The following TFR2 variants were observed in gnomAD, a reference collection of about 807,000 sequenced individuals.
TFR2 encodes the protein transferrin receptor 2.
Under a neutral mutation model 91.9 loss-of-function variants are expected in TFR2, and 64 were observed. The observed-to-expected ratio is 0.70, with a 90% confidence interval of 0.57 to 0.86. The LOEUF is 0.86. Ranked by LOEUF, TFR2 falls within the 40% of genes least tolerant of loss-of-function variation. TFR2 has a pLI of 0.00. For synonymous variants in TFR2, 454 were observed against 459.6 expected, an observed-to-expected ratio of 0.99 and a Z score of 0.15; for missense variants, 950 against 1,080.5, an observed-to-expected ratio of 0.88 and a Z score of 1.69.
intron 3 of TFR2, among the ~76,000 whole-genome samples, chr7:100,636,561 G>C (rs1803575015): frequency 1.3e-5 from 2 of 151,854 alleles, no homozygotes; most frequent in Non-Finnish European, 2.9e-5. Context: ...TAAGTGCCAG[G>C]CATTGTGGTA....
At chr7:100,625,649 C>T (rs1379701506) in intron 17 of TFR2, among the ~76,000 whole-genome samples, 4 of 151,972 alleles carry the variant, frequency 2.6e-5, no homozygotes, top group South Asian at 2.1e-4. Flanking sequence ...TTTGGGAGGC[C>T]GAGGCAGGAG....
At chr7:100,631,724 T>G (rs1240085409) in intron 8 of TFR2, 82 bp downstream of exon 8, 5 of 1,541,288 alleles carry the variant, frequency 3.2e-6, no homozygotes, top group Non-Finnish European at 4.4e-6. Flanking sequence ...CTTTTTCTAG[T>G]TCACCCACAA....
intron 11 of TFR2, 38 bp downstream of exon 11, chr7:100,628,186 C>T (rs1803323038): frequency 6.2e-7 from 1 of 1,612,840 alleles, no homozygotes; most frequent in Non-Finnish European, 8.5e-7. Flanking sequence ...CCCCACCTCT[C>T]CCCAATGCCT....
intron 9 of TFR2, among the ~76,000 whole-genome samples, chr7:100,629,819 C>T (rs1000669050): frequency 4.6e-5 from 7 of 152,210 alleles, no homozygotes; most frequent in African/African-American, 1.7e-4. Context: ...GATCTTGGCT[C>T]ACGGCAAGCT....
Position 100,627,017 on chromosome 7 carries a change from G to A in TFR2, c.1996-114C>T. The A allele has an allele frequency of 2.4e-6, 3 of 1,268,668 alleles. No individual in the cohort carries two copies. The South Asian group carries it at 4.4e-5, about 19-fold the overall frequency. The allele number at this position is 1,268,668 out of a possible 1,614,324, so 78.6% of individuals were successfully genotyped here. ...AAGGGGGCTGGGACCCCTGGCCGCA[G>A]GAGGGAGGAGGTAGACGAGGACAGA... On this transcript the variant is annotated intron_variant, in intron 16 of 17. Transcript: ENST00000223051.
Position 100,620,988 on chromosome 7 carries a change from G to A in TFR2, c.2275C>T (p.Pro759Ser), listed in dbSNP as rs769952161. Residue 759 changes from proline (P) to serine (S), a missense_variant, in exon 18 of 18, where the codon CCC becomes TCC. Transcript: ENST00000223051. ...AAGCCAGTGGAGGAGGTGGCCCCGG[G>A]GGTCCCGGAGCTGTTGGAGCGCAGC... ...RLLRSNSSGTPGATSSTGFQE... is the reference protein window; with the variant it reads ...RLLRSNSSGTSGATSSTGFQE... 134 of 1,610,536 alleles carry A rather than the reference G, an allele frequency of 8.3e-5. No homozygotes were observed. Among genetic ancestry groups the A allele is most frequent in the Middle Eastern group, 1.7e-4 (1 of 5,750 alleles).
Position 100,641,198 on chromosome 7 carries a change from C to G in TFR2, c.64G>C (p.Val22Leu). ...CGGGGGCCTTCCACACGCTGGTAGA[C>G]GGTCTGAGAGGATCTTGGGGACAGT... ...QQLSPRSSQT[V>L]YQRVEGPRKG... Residue 22 changes from valine to leucine, a missense_variant, in exon 2 of 18, where the codon GTC (valine) becomes CTC (leucine). Physicochemically the swap from Val to Leu is conservative, Grantham distance 32. Coordinates refer to ENST00000223051, the MANE Select transcript of TFR2 (RefSeq NM_003227.4). 6.5e-7 allele frequency: 1 copy of G among 1,532,552 alleles called. No individual in the cohort carries two copies. 94.9% of individuals were successfully genotyped at this position (1,532,552 alleles called of 1,614,324 possible).
chr7:100,620,831 A>G lies in TFR2; in HGVS notation c.*26T>C. On this transcript the variant is annotated 3_prime_UTR_variant, in exon 18 of 18. Transcript: ENST00000223051. ...GAGCAGAGGAGCTCTTGACTGGGGG[A>G]CGGGGATGTGAGGATCCCCAGGGCC... The G allele has an allele frequency of 6.2e-7, 1 of 1,613,500 alleles. No individual in the cohort carries two copies. Among genetic ancestry groups the G allele is most frequent in the South Asian group, 1.1e-5 (1 of 90,942 alleles).
chr7:100,627,906 C>T lies in TFR2; in HGVS notation c.1605+1G>A. The T allele has an allele frequency of 6.2e-7, 1 of 1,614,098 alleles. No individual in the cohort carries two copies. Among genetic ancestry groups the T allele is most frequent in the Admixed American group, 1.7e-5 (1 of 60,008 alleles). On this transcript the variant is annotated splice_donor_variant, in intron 13 of 17. Coordinates refer to ENST00000223051, the MANE Select transcript of TFR2 (RefSeq NM_003227.4). LOFTEE classifies it high-confidence loss of function. Reference sequence around the variant, plus strand: ...ACCCCCTATTCCTGGGGTGCTCTTGCCTGCTTCAGGACACTCTCAATGAGA... The same window carrying T: ...ACCCCCTATTCCTGGGGTGCTCTTGTCTGCTTCAGGACACTCTCAATGAGA...
At chr7:100,621,536 G>GA (rs1399438392) in intron 17 of TFR2, among the ~76,000 whole-genome samples, 1 of 152,184 alleles carries the variant, frequency 6.6e-6, no homozygotes, top group Non-Finnish European at 1.5e-5. Flanking sequence ...TTACAGGTGT[G>GA]AGCCACCACG....
chr7:100,640,987 A>G lies in TFR2; in HGVS notation c.275T>C (p.Ile92Thr). 1 of 1,609,434 alleles carries G rather than the reference A, an allele frequency of 6.2e-7. No homozygotes were observed. The highest frequency in any genetic ancestry group is 8.5e-7 in the Non-Finnish European group (1 of 1,176,828). ...GGGACGGCTCTCACCCCCAGTGAAG[A>G]TCAGCAGGGCCGTCAGGACCAGGTA... ...APYLVLTALL[I>T]FTGAFLLGYV... Residue 92 changes from isoleucine to threonine, a missense_variant, in exon 2 of 18, where the codon ATC becomes ACC. Coordinates refer to ENST00000223051, the MANE Select transcript of TFR2 (RefSeq NM_003227.4).
At chr7:100,626,942 G>C in intron 16 of TFR2, 39 bp from the exon 17 acceptor site, 1 of 1,521,984 alleles carries the variant, frequency 6.6e-7, no homozygotes, top group South Asian at 1.2e-5. Flanking sequence ...GGCGGCAGGG[G>C]CCAGGACCCC....
At position 100,620,719 on chromosome 7, in the gene TFR2, G is replaced by A; in HGVS notation, c.*138C>T. 8.1e-7 allele frequency: 1 copy of A among 1,234,028 alleles called. No homozygotes were observed. The highest frequency in any genetic ancestry group is 2.1e-5 in the Admixed American group (1 of 48,170). The allele number at this position is 1,234,028 out of a possible 1,614,324, so 76.4% of individuals were successfully genotyped here. ...TCTGTGCTGGGGTCTGGGCTCCGTGGAGAGATGTGTAGGGGTAATGAGAAA... is the reference window on the plus strand; with the variant it reads ...TCTGTGCTGGGGTCTGGGCTCCGTGAAGAGATGTGTAGGGGTAATGAGAAA... On this transcript the variant is annotated 3_prime_UTR_variant, in exon 18 of 18. Coordinates refer to ENST00000223051, the MANE Select transcript of TFR2 (RefSeq NM_003227.4).
chr7:100,633,035 A>G lies in TFR2; in HGVS notation c.815T>C (p.Leu272Pro), dbSNP rs1211750578. Residue 272 changes from leucine to proline, a missense_variant, in exon 6 of 18, where the codon CTG (leucine) becomes CCG (proline). Physicochemically the swap from Leu to Pro is moderately conservative, Grantham distance 98 (BLOSUM62 -3). Transcript: ENST00000223051. The part of the protein sequence containing the change: ...RGVDPVGRLL[L>P]VRVGVISFAQ... ...GAAGCTGATCACCCCCACGCGCACCAGCAGCAGGCGGCCCACTGGATCCAC... is the reference window on the plus strand; with the variant it reads ...GAAGCTGATCACCCCCACGCGCACCGGCAGCAGGCGGCCCACTGGATCCAC... 6.2e-7 allele frequency: 1 copy of G among 1,613,582 alleles called. No individual in the cohort carries two copies. Among genetic ancestry groups the G allele is most frequent in the African/African-American group, 1.3e-5 (1 of 74,918 alleles).
intron 3 of TFR2, among the ~76,000 whole-genome samples, chr7:100,634,220 A>ACACG (rs57661724): frequency 6.3e-5 from 9 of 141,742 alleles, no homozygotes; most frequent in Non-Finnish European, 6.2e-5. Context: ...ACACACACAC[A>ACACG]GCACCCAAAC....
intron 17 of TFR2, among the ~76,000 whole-genome samples, chr7:100,621,792 C>T (rs1803119677): frequency 6.6e-6 from 1 of 152,150 alleles, no homozygotes; most frequent in African/African-American, 2.4e-5. Flanking sequence ...CTCCCTCTGA[C>T]GCAGCTGCTG....
intron 17 of TFR2, among the ~76,000 whole-genome samples, chr7:100,626,048 A>C (rs1803241682): frequency 6.6e-6 from 1 of 152,162 alleles, no homozygotes; most frequent in Non-Finnish European, 1.5e-5. Flanking sequence ...AGCTCACCCC[A>C]CACTCATTGA....
chr7:100,620,715 C>T lies in TFR2; in HGVS notation c.*142G>A, dbSNP rs578087339. On this transcript the variant is annotated 3_prime_UTR_variant, in exon 18 of 18. Coordinates refer to ENST00000223051, the MANE Select transcript of TFR2 (RefSeq NM_003227.4). ...GATATCTGTGCTGGGGTCTGGGCTC[C>T]GTGGAGAGATGTGTAGGGGTAATGA... 2,430 of 1,187,232 alleles carry T rather than the reference C, an allele frequency of 2.0e-3. 5 individuals carry two copies. The highest frequency in any genetic ancestry group is 3.8e-3 in the Middle Eastern group (16 of 4,164). The allele number at this position is 1,187,232 out of a possible 1,614,324, so 73.5% of individuals were successfully genotyped here.
rs1562841910 is a variant in TFR2, at chr7:100,632,998, T to C, written c.849+3A>G. On this transcript the variant is annotated splice_donor_region_variant and intron_variant, in intron 6 of 17. Coordinates refer to ENST00000223051, the MANE Select transcript of TFR2 (RefSeq NM_003227.4). Reference sequence around the variant, plus strand: ...AGCCCTCCCTCTGTCCAGGGACACTTACCTTCTGGGCGAAGCTGATCACCC... The same window carrying C: ...AGCCCTCCCTCTGTCCAGGGACACTCACCTTCTGGGCGAAGCTGATCACCC... 5 of 1,613,710 alleles carry C rather than the reference T, an allele frequency of 3.1e-6. No homozygotes were observed. Among genetic ancestry groups the C allele is most frequent in the Non-Finnish European group, 2.5e-6 (3 of 1,179,976 alleles).
Sources: gnomAD v4.1 joint callset for allele counts (sites outside exome capture counted in the v4.1 genomes callset) on GRCh38, gnomAD v4.1.1 for gene constraint, MANE v1.5 for transcripts, NCBI Gene and HGNC (gene_info 2026-07-23, HGNC 2026-07-21) for gene names.